Variants in ROBO2 observed in about 807,000 individuals in gnomAD.
The protein encoded by ROBO2 is roundabout guidance receptor 2.
A neutral mutation model predicts 160.8 loss-of-function variants in ROBO2; 53 were observed. The observed-to-expected ratio is 0.33, with a 90% CI of 0.26 to 0.41. The LOEUF (loss-of-function observed/expected upper bound fraction) is 0.41, where lower values mean the gene tolerates loss of function less well. ROBO2 is among the 10% of genes least tolerant of loss of function. The probability of loss-of-function intolerance (pLI) is 1.00; values close to 1 mark genes in which losing one functional copy is unlikely to be tolerated. For synonymous variants in ROBO2, 664 were observed against 611.7 expected (o/e 1.09, Z -1.26); for missense variants, 1,577 against 1,722.4 (o/e 0.92, Z 1.49).
chr3:77,548,156 T>A (rs904738079), intron 7 of ROBO2, among the ~76,000 whole-genome samples: 3 of 147,284 alleles, frequency 2.0e-5, no homozygotes, highest in Non-Finnish European at 4.5e-5. Flanking sequence ...TACATACACA[T>A]ACACACACAC....
In ROBO2 at chr3:77,538,947, C is replaced by G. The variant is rs1476546875; in HGVS notation, c.935-7391C>G. ...TCTTCTTTTTAGAGACGGAGGCTTG[C>G]TCTGTCGCCCAGGCTGGAGAGCAGT... On this transcript the variant is annotated intron_variant, in intron 6 of 25. Transcript: ENST00000461745. 3 of 448,592 alleles carry G rather than the reference C, an allele frequency of 6.7e-6. No homozygotes were observed. In the Admixed American group the frequency reaches 7.2e-5, roughly 11 times the overall value. The allele number at this position is 448,592 out of a possible 1,614,324, so 27.8% of individuals were successfully genotyped here. A position where few individuals can be genotyped will look rare whatever the true frequency, so the allele number is the denominator to read the frequency against.
intron 2 of ROBO2, among the ~76,000 whole-genome samples, chr3:76,972,361 T>TA (rs200476923): frequency 1.3e-5 from 2 of 151,836 alleles, no homozygotes; most frequent in African/African-American, 2.4e-5. Context: ...TTTTTTTTTT[T>TA]AATTTCTTCA....
intron 2 of ROBO2, among the ~76,000 whole-genome samples, chr3:76,655,222 C>T (rs1008431113): frequency 6.7e-6 from 1 of 149,950 alleles, no homozygotes; most frequent in African/African-American, 2.4e-5. Context: ...CAACAGAAAA[C>T]TGAAGAAATA....
chr3:77,301,334 T>G (rs886153377), intron 2 of ROBO2, among the ~76,000 whole-genome samples: 1 of 152,230 alleles, frequency 6.6e-6, no homozygotes, highest in Admixed American at 6.5e-5. Context: ...AGACTGGTGT[T>G]AAAACAGTTC....
At chr3:77,612,575 T>C (rs753316231) in intron 21 of ROBO2, among the ~76,000 whole-genome samples, 5 of 152,214 alleles carry the variant, frequency 3.3e-5, no homozygotes, top group African/African-American at 7.2e-5. Flanking sequence ...TCAGTTTCGC[T>C]ATCCCAAAGG....
At chr3:77,332,617 A>T (rs541249688) in intron 2 of ROBO2, among the ~76,000 whole-genome samples, 1 of 152,234 alleles carries the variant, frequency 6.6e-6, no homozygotes, top group Non-Finnish European at 1.5e-5. Context: ...ACTTGATATA[A>T]CATACATAAC....
In ROBO2 at chr3:75,991,815, A is replaced by G. The variant is rs116218915; in HGVS notation, c.109+54213A>G. On this transcript the variant is annotated intron_variant, in intron 2 of 26. Transcript: ENST00000487694. ...TAAAATGCTGATAATGATACAGACA[A>G]TAATATCCAGGTGGGGGAGATCTCA... is the stretch of plus-strand genomic sequence containing the variant. 1.6e-3 allele frequency among the ~76,000 whole-genome samples: 237 copies of G among 152,276 alleles called. 1 individual carries two copies. The highest frequency in any genetic ancestry group is 5.4e-3 in the African/African-American group (224 of 41,552).
At chr3:76,657,783 T>C (rs576492299) in intron 2 of ROBO2, among the ~76,000 whole-genome samples, 251 of 147,996 alleles carry the variant, frequency 1.7e-3, no homozygotes, top group African/African-American at 6.0e-3. Flanking sequence ...GGTATGTGTA[T>C]ATATATGTTC....
intron 2 of ROBO2, among the ~76,000 whole-genome samples, chr3:76,149,576 GCACACATCATCTGTCTAAAA>G (rs1325204633): frequency 0.02 from 2,489 of 122,994 alleles, 452 homozygotes; most frequent in Non-Finnish European, 0.029. Context: ...TCTGTCTAAA[GCACACATCATCTGTCTAAAA>G]CACACATCAT....
chr3:77,305,264 A>G (rs2063001950), intron 2 of ROBO2, among the ~76,000 whole-genome samples: 1 of 152,246 alleles, frequency 6.6e-6, no homozygotes, highest in Non-Finnish European at 1.5e-5. Context: ...GAATTTTTAA[A>G]CATTGCCTTT....
At chr3:77,602,661 GCCACCACCACCACCACCA>G (rs879356392) in intron 20 of ROBO2, among the ~76,000 whole-genome samples, 170 bp downstream of exon 21, 7 of 128,326 alleles carry the variant, frequency 5.5e-5, no homozygotes, top group South Asian at 2.8e-4. Context: ...CACCACCACC[GCCACCACCACCACCACCA>G]CCACCACCAC....
At chr3:76,002,076 G>C (rs942148531) in intron 2 of ROBO2, among the ~76,000 whole-genome samples, 11 of 152,080 alleles carry the variant, frequency 7.2e-5, no homozygotes, top group Non-Finnish European at 7.4e-5. Flanking sequence ...CAGTGTTATG[G>C]GTTGAATTGT....
At chr3:77,419,011 G>A (rs1462318726) in intron 2 of ROBO2, among the ~76,000 whole-genome samples, 1 of 152,106 alleles carries the variant, frequency 6.6e-6, no homozygotes, top group Non-Finnish European at 1.5e-5. Context: ...TCATTCAAGA[G>A]GCCAGAAGTC....
At chr3:76,155,933 C>A (rs916272804) in intron 2 of ROBO2, among the ~76,000 whole-genome samples, 1 of 152,042 alleles carries the variant, frequency 6.6e-6, no homozygotes, top group Non-Finnish European at 1.5e-5. Context: ...TCCTTTCTAC[C>A]TTTCCCTGTC....
intron 2 of ROBO2, among the ~76,000 whole-genome samples, chr3:76,377,310 A>G (rs1424391044): frequency 6.6e-6 from 1 of 152,166 alleles, no homozygotes; most frequent in East Asian, 1.9e-4. Context: ...TGTTAATAGG[A>G]TAGCCCCATG....
At chr3:76,617,054 G>A (rs1022715642) in intron 2 of ROBO2, among the ~76,000 whole-genome samples, 2 of 151,754 alleles carry the variant, frequency 1.3e-5, no homozygotes, top group African/African-American at 4.8e-5. Context: ...CAGGGCATTG[G>A]ATATATATAT....
intron 2 of ROBO2, among the ~76,000 whole-genome samples, chr3:76,061,925 C>A (rs1412080184): frequency 6.6e-6 from 1 of 152,152 alleles, no homozygotes. Flanking sequence ...TCAAAGCCAG[C>A]AACATTGTTC....
At chr3:77,457,762 G>A (rs1338420669) in intron 2 of ROBO2, among the ~76,000 whole-genome samples, 1 of 151,974 alleles carries the variant, frequency 6.6e-6, no homozygotes, top group Non-Finnish European at 1.5e-5. Flanking sequence ...GTTTAAACCA[G>A]ATTATTCTGT....
chr3:77,054,132 T>C (rs2065483704), intron 1 of ROBO2, among the ~76,000 whole-genome samples: 1 of 152,160 alleles, frequency 6.6e-6, no homozygotes, highest in South Asian at 2.1e-4. Context: ...TACTTAACAC[T>C]AGAGAAGGAT....
Sources: allele counts gnomAD v4.1 joint callset (sites outside exome capture counted in the v4.1 genomes callset), GRCh38; gene constraint gnomAD v4.1.1; transcripts MANE v1.5; gene names NCBI Gene and HGNC (gene_info 2026-07-23, HGNC 2026-07-21).